Variants in TRDN observed in about 807,000 individuals in gnomAD.
TRDN encodes the protein triadin in skeletal muscle.
Under a neutral mutation model 149.7 loss-of-function variants are expected in TRDN, and 161 were observed. That is an observed-to-expected ratio of 1.08 (90% CI 0.95 to 1.23). The LOEUF (loss-of-function observed/expected upper bound fraction) is 1.23. Ranked by LOEUF, TRDN falls within the 50% of genes most tolerant of loss-of-function variation. The probability of loss-of-function intolerance (pLI) is 0.00; values close to 1 mark genes in which losing one functional copy is unlikely to be tolerated. For missense variants in TRDN, 896 were observed against 823.5 expected, an observed-to-expected ratio of 1.09 and a Z score of -1.08; for synonymous variants, 294 against 250.5, an observed-to-expected ratio of 1.17 and a Z score of -1.64.
At chr6:123,318,714 T>C (rs1407816866) in intron 23 of TRDN, among the ~76,000 whole-genome samples, 1 of 152,086 alleles carries the variant, frequency 6.6e-6, no homozygotes, top group African/African-American at 2.4e-5. Flanking sequence ...CTCCTGTCAA[T>C]CATATTGTAA....
At chr6:123,325,137 A>G (rs1673496949) in intron 23 of TRDN, among the ~76,000 whole-genome samples, 1 of 152,150 alleles carries the variant, frequency 6.6e-6, no homozygotes, top group Admixed American at 6.6e-5. Context: ...TTTTGCTAAT[A>G]TATTCCAATA....
intron 24 of TRDN, among the ~76,000 whole-genome samples, chr6:123,300,245 G>A (rs1778354207): frequency 6.6e-6 from 1 of 151,904 alleles, no homozygotes; most frequent in Non-Finnish European, 1.5e-5. Flanking sequence ...AAAGAAAAGA[G>A]CATTATTTTT....
intron 2 of TRDN, among the ~76,000 whole-genome samples, chr6:123,561,297 T>C (rs565395679): frequency 6.6e-6 from 1 of 152,302 alleles, no homozygotes; most frequent in Non-Finnish European, 1.5e-5. Flanking sequence ...TCTTCAGGAA[T>C]GGTAGAACGG....
rs577824087 is a variant in TRDN, at chr6:123,408,678, C to CAAA, written c.1052-15004_1052-15002dup. 2.6e-3 allele frequency among the ~76,000 whole-genome samples: 350 copies of CAAA among 134,808 alleles called. 1 individual carries two copies. Among genetic ancestry groups the CAAA allele is most frequent in the African/African-American group, 5.9e-3 (216 of 36,840 alleles). The allele number at this position is 134,808 out of a possible 152,430, so 88.4% of individuals were successfully genotyped here. A position where few individuals can be genotyped will look rare whatever the true frequency, so the allele number is the denominator to read the frequency against. ...GGGGGACAAGAGTGAGACTTTTTCTCAAAAAAAAAAAAAAGAATTGTTTGG... is the reference window on the plus strand; with the variant it reads ...GGGGGACAAGAGTGAGACTTTTTCTCAAAAAAAAAAAAAAAAAGAATTGTTTGG... On this transcript the variant is annotated intron_variant, in intron 12 of 40. Transcript: ENST00000334268.
At chr6:123,246,661 A>G (rs1159304753) in intron 38 of TRDN, among the ~76,000 whole-genome samples, 4 of 152,120 alleles carry the variant, frequency 2.6e-5, no homozygotes, top group Non-Finnish European at 5.9e-5. Context: ...CAGAGGTACA[A>G]AGAGGAGTTA....
chr6:123,268,423 A>AT (rs1777089792), intron 31 of TRDN, among the ~76,000 whole-genome samples: 1 of 152,090 alleles, frequency 6.6e-6, no homozygotes, highest in Non-Finnish European at 1.5e-5. Flanking sequence ...TTTTAAAGAG[A>AT]TCATTCTCTT....
Position 123,479,734 on chromosome 6 carries a change from A to T in TRDN, c.854-14751T>A, listed in dbSNP as rs142436014. Among the ~76,000 whole-genome samples the T allele has an allele frequency of 1.6e-3, 247 of 152,330 alleles. 1 individual carries two copies. The highest frequency in any genetic ancestry group is 5.6e-3 in the African/African-American group (231 of 41,594). On this transcript the variant is annotated intron_variant, in intron 9 of 40. Transcript: ENST00000334268. ...ATAGGGGACAGGGAATGAACAAAAC[A>T]TAAGATACAATTTTAGAAAAGTGCA... is the stretch of plus-strand genomic sequence containing the variant.
chr6:123,403,761 A>G (rs1773082530), intron 12 of TRDN, among the ~76,000 whole-genome samples: 1 of 152,176 alleles, frequency 6.6e-6, no homozygotes, highest in Non-Finnish European at 1.5e-5. Context: ...AAAACTCAAC[A>G]TAACTGAAAA....
At chr6:123,609,018 C>T (rs1307042770) in intron 1 of TRDN, among the ~76,000 whole-genome samples, 1 of 151,722 alleles carries the variant, frequency 6.6e-6, no homozygotes, top group Non-Finnish European at 1.5e-5. Flanking sequence ...ACTAAAAATA[C>T]AAAAATTAGC....
Position 123,381,392 on chromosome 6 carries a change from T to C in TRDN, c.1166-2A>G. 6.4e-7 allele frequency: 1 copy of C among 1,557,232 alleles called. No homozygotes were observed. On this transcript the variant is annotated splice_acceptor_variant, in intron 15 of 40. Coordinates refer to ENST00000334268, the MANE Select transcript of TRDN (RefSeq NM_006073.4). LOFTEE classifies it high-confidence loss of function. ...TACTTTTTCCCTTGGGTTGTTCTAC[T>C]GAAAGAAATACAAACAAAATCATTG...
rs568020649 is a variant in TRDN at position 123,272,481 on chromosome 6, T to C, written c.1672+483A>G. 5.4e-4 allele frequency among the ~76,000 whole-genome samples: 82 copies of C among 151,514 alleles called. 1 individual carries two copies. The highest frequency in any genetic ancestry group is 6.8e-3 in the Middle Eastern group (2 of 292). ...TAGCTTACTTCTACTTTCTACAAAA[T>C]GCAAGACCAGGAATAAAAAGAAAAT... On this transcript the variant is annotated intron_variant, in intron 29 of 40. Coordinates refer to ENST00000334268, the MANE Select transcript of TRDN (RefSeq NM_006073.4).
At chr6:123,285,592 T>C (rs1333630089) in intron 24 of TRDN, among the ~76,000 whole-genome samples, 1 of 151,946 alleles carries the variant, frequency 6.6e-6, no homozygotes, top group Non-Finnish European at 1.5e-5. Context: ...TTCTAGAAGA[T>C]AAAATCAGAA....
Position 123,570,997 on chromosome 6 carries a change from A to G in TRDN, c.158T>C (p.Val53Ala). The change falls in exon 2 of 41, where the codon GTC (valine) becomes GCC (alanine). Residue 53 changes from valine to alanine, a missense_variant. By Grantham distance (64) the Val-to-Ala change is moderately conservative. Coordinates refer to ENST00000334268, the MANE Select transcript of TRDN (RefSeq NM_006073.4). ...TGACCACGTGATTATCAGGGCAATG[A>G]CCAGAAGCCAGGCTGCAGGGGAGCT... ...TFSSPAAWLL[V>A]IALIITWSAV... 6.2e-7 allele frequency: 1 copy of G among 1,613,982 alleles called. No individual in the cohort carries two copies. Among genetic ancestry groups the G allele is most frequent in the Non-Finnish European group, 8.5e-7 (1 of 1,179,862 alleles).
intron 9 of TRDN, among the ~76,000 whole-genome samples, chr6:123,478,631 A>C (rs1777609257): frequency 6.6e-6 from 1 of 152,130 alleles, no homozygotes; most frequent in Non-Finnish European, 1.5e-5. Flanking sequence ...TAATGAGGCA[A>C]AGTGGATGGA....
intron 21 of TRDN, chr6:123,349,696 T>G: frequency 1.0e-6 from 1 of 975,020 alleles, no homozygotes; most frequent in Non-Finnish European, 1.2e-6. Flanking sequence ...TATATTCAAA[T>G]GGATAAAGTT....
At chr6:123,587,360 T>C (rs1272444830) in intron 1 of TRDN, among the ~76,000 whole-genome samples, 1 of 151,768 alleles carries the variant, frequency 6.6e-6, no homozygotes, top group Non-Finnish European at 1.5e-5. Flanking sequence ...ATGAAAGGAA[T>C]TGAAATTAAG....
At chr6:123,586,970 G>A (rs60443932) in intron 1 of TRDN, among the ~76,000 whole-genome samples, 2,559 of 152,084 alleles carry the variant, frequency 0.017, 72 homozygotes, top group African/African-American at 0.058. Context: ...GTTGGGGCAC[G>A]GAAATAAGGG....
At chr6:123,525,696 G>GT (rs1242649914) in intron 5 of TRDN, among the ~76,000 whole-genome samples, 1 of 151,726 alleles carries the variant, frequency 6.6e-6, no homozygotes, top group Non-Finnish European at 1.5e-5. Context: ...GAATCTAAAA[G>GT]TTTTTTAAAA....
At chr6:123,436,157 G>C (rs1409889939) in intron 12 of TRDN, among the ~76,000 whole-genome samples, 1 of 152,122 alleles carries the variant, frequency 6.6e-6, no homozygotes, top group Non-Finnish European at 1.5e-5. Flanking sequence ...TGGCAAGGAA[G>C]AAGTATCTTG....
Sources: gnomAD v4.1 joint callset for allele counts (sites outside exome capture counted in the v4.1 genomes callset) on GRCh38, gnomAD v4.1.1 for gene constraint, MANE v1.5 for transcripts, NCBI Gene and HGNC (gene_info 2026-07-23, HGNC 2026-07-21) for gene names.